The following AHCYL2 variants were observed in gnomAD, a reference collection of about 807,000 sequenced individuals.
AHCYL2 encodes the protein S-adenosylhomocysteine hydrolase-like protein 2.
A neutral mutation model predicts 81.4 loss-of-function variants in AHCYL2; 28 were observed. The observed-to-expected ratio is 0.34, with a 90% CI of 0.25 to 0.47. AHCYL2 has a LOEUF of 0.47. Ranked by LOEUF, AHCYL2 falls within the 20% of genes least tolerant of loss-of-function variation. The probability of loss-of-function intolerance (pLI) is 1.00; values close to 1 mark genes in which losing one functional copy is unlikely to be tolerated. For missense variants in AHCYL2, 551 were observed against 785.1 expected (o/e 0.70, Z 3.56); for synonymous variants, 272 against 290.2 (o/e 0.94, Z 0.64).
At chr7:129,401,341 C>T (rs1284516032) in intron 6 of AHCYL2, among the ~76,000 whole-genome samples, 1 of 97,618 alleles carries the variant, frequency 1.0e-5, no homozygotes, top group African/African-American at 2.8e-5. Flanking sequence ...ATCCCAGTGC[C>T]CCCCCCCAAA....
At chr7:129,320,774 AGTG>A (rs1364493856) in intron 1 of AHCYL2, among the ~76,000 whole-genome samples, 2 of 152,156 alleles carry the variant, frequency 1.3e-5, no homozygotes, top group Admixed American at 1.3e-4. Flanking sequence ...CCTACCCATT[AGTG>A]GTGGTATTTT....
intron 1 of AHCYL2, among the ~76,000 whole-genome samples, chr7:129,351,063 A>C (rs1335906722): frequency 6.6e-6 from 1 of 152,094 alleles, no homozygotes; most frequent in Non-Finnish European, 1.5e-5. Flanking sequence ...AAATAGCATA[A>C]ATTTTATTTT....
intron 1 of AHCYL2, among the ~76,000 whole-genome samples, chr7:129,357,448 TAA>T (rs1474699689): frequency 6.6e-6 from 1 of 152,130 alleles, no homozygotes; most frequent in Non-Finnish European, 1.5e-5. Flanking sequence ...TTTTTATTAA[TAA>T]GAGTGGGAAA....
chr7:129,387,737 C>T (rs1795265433), intron 2 of AHCYL2, among the ~76,000 whole-genome samples: 1 of 152,168 alleles, frequency 6.6e-6, no homozygotes, highest in Non-Finnish European at 1.5e-5. Flanking sequence ...TTTGAGCTTT[C>T]ACTCACCCTA....
At chr7:129,333,703 A>G (rs1461853699) in intron 1 of AHCYL2, among the ~76,000 whole-genome samples, 1 of 152,224 alleles carries the variant, frequency 6.6e-6, no homozygotes, top group Non-Finnish European at 1.5e-5. Context: ...CAGACCCTAT[A>G]GTGCCACCCA....
At chr7:129,371,891 G>C (rs113583270) in intron 1 of AHCYL2, among the ~76,000 whole-genome samples, 1 of 152,226 alleles carries the variant, frequency 6.6e-6, no homozygotes, top group Non-Finnish European at 1.5e-5. Flanking sequence ...GCTTGGAAGA[G>C]AGAGGTGTTT....
At chr7:129,278,316 T>C (rs1268688641) in intron 1 of AHCYL2, among the ~76,000 whole-genome samples, 3 of 152,136 alleles carry the variant, frequency 2.0e-5, no homozygotes, top group African/African-American at 7.2e-5. Context: ...GTTCAAGTGA[T>C]CCTCCTCCAT....
intron 1 of AHCYL2, among the ~76,000 whole-genome samples, chr7:129,245,233 C>T (rs1042466044): frequency 1.3e-5 from 2 of 152,064 alleles, no homozygotes; most frequent in African/African-American, 4.8e-5. Flanking sequence ...CCATGTTGGT[C>T]AGGCTGGTCT....
At chr7:129,303,914 G>A (rs1040388411) in intron 1 of AHCYL2, among the ~76,000 whole-genome samples, 1 of 151,948 alleles carries the variant, frequency 6.6e-6, no homozygotes. Flanking sequence ...GTGAAACCCT[G>A]TCTCTACTAA....
chr7:129,245,993 A>G (rs1204567062), intron 1 of AHCYL2, among the ~76,000 whole-genome samples: 1 of 151,986 alleles, frequency 6.6e-6, no homozygotes, highest in Non-Finnish European at 1.5e-5. Context: ...TCTAATTTTT[A>G]TACATCGACA....
chr7:129,238,588 A>T (rs1403515372), intron 1 of AHCYL2, among the ~76,000 whole-genome samples: 2 of 152,216 alleles, frequency 1.3e-5, no homozygotes, highest in Admixed American at 6.5e-5. Flanking sequence ...GCAATACTGG[A>T]AACAGGAATT....
chr7:129,242,734 A>T (rs1186235753), intron 1 of AHCYL2, among the ~76,000 whole-genome samples: 2 of 151,512 alleles, frequency 1.3e-5, no homozygotes, highest in East Asian at 1.9e-4. Flanking sequence ...AAAAAAAAAA[A>T]TTGCCTGTGG....
intron 1 of AHCYL2, among the ~76,000 whole-genome samples, chr7:129,360,017 C>T (rs1204998852): frequency 6.6e-6 from 1 of 151,880 alleles, no homozygotes; most frequent in Non-Finnish European, 1.5e-5. Flanking sequence ...TTTACTCATA[C>T]CCTGTTCTCT....
intron 1 of AHCYL2, among the ~76,000 whole-genome samples, chr7:129,276,753 A>G (rs1051558925): frequency 1.3e-5 from 2 of 149,334 alleles, no homozygotes; most frequent in Admixed American, 6.7e-5. Flanking sequence ...AAAAAAAAAG[A>G]AAAAAACCAC....
chr7:129,289,971 G>T (rs1282554580), intron 1 of AHCYL2, among the ~76,000 whole-genome samples: 1 of 151,724 alleles, frequency 6.6e-6, no homozygotes, highest in African/African-American at 2.4e-5. Context: ...TAGTAGAGAT[G>T]GGGTTTCTCC....
At position 129,424,948 on chromosome 7, in the gene AHCYL2, G is replaced by C. The variant is rs746820087; in HGVS notation, c.1629+6G>C. 8 of 1,613,882 alleles carry C rather than the reference G, an allele frequency of 5.0e-6. No individual in the cohort carries two copies. Among genetic ancestry groups the C allele is most frequent in the East Asian group, 2.2e-5 (1 of 44,900 alleles). On this transcript the variant is annotated splice_donor_region_variant and intron_variant, in intron 14 of 16. Coordinates refer to ENST00000325006, the MANE Select transcript of AHCYL2 (RefSeq NM_015328.4). ...CAATCACTGCTACTACTCAGGTAAG[G>C]CTTCCAGAGTGGGATAGCAGTAGTC...
At chr7:129,367,122 G>A (rs189458385) in intron 1 of AHCYL2, among the ~76,000 whole-genome samples, 14 of 152,278 alleles carry the variant, frequency 9.2e-5, no homozygotes, top group Admixed American at 3.9e-4. Flanking sequence ...GAATAGAATC[G>A]GAGGCAGGTT....
chr7:129,342,478 C>A (rs898030050), intron 1 of AHCYL2, among the ~76,000 whole-genome samples: 19 of 152,068 alleles, frequency 1.2e-4, no homozygotes, highest in Non-Finnish European at 1.5e-5. Flanking sequence ...GTGAATATAC[C>A]AAGAACTTCC....
chr7:129,369,045 C>T (rs1179343407), intron 1 of AHCYL2, among the ~76,000 whole-genome samples: 1 of 152,176 alleles, frequency 6.6e-6, no homozygotes, highest in East Asian at 1.9e-4. Context: ...ATTTCCCCCC[C>T]AGCTATCCTT....
Sources: allele counts gnomAD v4.1 joint callset (sites outside exome capture counted in the v4.1 genomes callset), GRCh38; gene constraint gnomAD v4.1.1; transcripts MANE v1.5; gene names NCBI Gene and HGNC (gene_info 2026-07-23, HGNC 2026-07-21).